STX11: variants seen among roughly 807,000 people sequenced by gnomAD.
The protein encoded by STX11 is syntaxin 11.
A neutral mutation model predicts 19.9 loss-of-function variants in STX11; 21 were observed. The ratio of observed to expected loss-of-function variants is 1.06; its 90% CI spans 0.75 to 1.52. STX11 has a LOEUF of 1.52. STX11 is among the 40% of genes most tolerant of loss of function. The pLI is 0.00. For synonymous variants in STX11, 193 were observed against 174.4 expected, an observed-to-expected ratio of 1.11 and a Z score of -0.84; for missense variants, 438 against 405.9, an observed-to-expected ratio of 1.08 and a Z score of -0.68.
At position 144,189,889 on chromosome 6, in the gene STX11, C is replaced by A. The variant is rs991843023; in HGVS notation, c.*2398C>A. ...AAAAAATGTTCACATAGCTCCACTGCAATGTTTTTTATAATAGAGGAGAGA... is the reference window on the plus strand; with the variant it reads ...AAAAAATGTTCACATAGCTCCACTGAAATGTTTTTTATAATAGAGGAGAGA... On this transcript the variant is annotated 3_prime_UTR_variant, in exon 2 of 2. Transcript: ENST00000367568. Among the ~76,000 whole-genome samples the A allele has an allele frequency of 4.6e-5, 7 of 152,090 alleles. No homozygotes were observed. Among genetic ancestry groups the A allele is most frequent in the African/African-American group, 7.2e-5 (3 of 41,424 alleles).
rs1801306712 is a variant in STX11, at chr6:144,160,452, A to C, written c.-6+9749A>C. 6.6e-6 allele frequency among the ~76,000 whole-genome samples: 1 copy of C among 152,250 alleles called. No homozygotes were observed. Among genetic ancestry groups the C allele is most frequent in the Non-Finnish European group, 1.5e-5 (1 of 68,044 alleles). On this transcript the variant is annotated intron_variant, in intron 1 of 1. Transcript: ENST00000367568. This position sits in a 1 kb window ranked among gnomAD's most constrained non-coding sequence, Gnocchi z 4.3. Reference sequence around the variant, plus strand: ...TACATTTATTATATTCAATAGATAAAGGACCTTAAGTTTAATATATAAGTT... The same window carrying C: ...TACATTTATTATATTCAATAGATAACGGACCTTAAGTTTAATATATAAGTT...
In STX11 at chr6:144,187,077, G is replaced by C. The variant is rs767456000; in HGVS notation, c.450G>C (p.Glu150Asp). 1 of 1,613,644 alleles carries C rather than the reference G, an allele frequency of 6.2e-7. No individual in the cohort carries two copies. Among genetic ancestry groups the C allele is most frequent in the East Asian group, 2.2e-5 (1 of 44,884 alleles). ...CCATGCACGACTACAACCAGGCCGAGATGAAGCAGCGCGACAACTGCAAGA... is the reference window on the plus strand; with the variant it reads ...CCATGCACGACTACAACCAGGCCGACATGAAGCAGCGCGACAACTGCAAGA... Reference protein sequence around the residue: ...QRAMHDYNQAEMKQRDNCKIR... With the variant: ...QRAMHDYNQADMKQRDNCKIR... Residue 150 changes from glutamate to aspartate, a missense_variant, in exon 2 of 2, where the codon GAG becomes GAC. By Grantham distance (45) the Glu-to-Asp change is conservative. Transcript: ENST00000367568. This position sits in a 1 kb window ranked among gnomAD's most constrained non-coding sequence, Gnocchi z 5.6.
Position 144,172,115 on chromosome 6 carries a change from A to G in STX11, c.-5-14508A>G, listed in dbSNP as rs1332726547. ...TAAAGAAGAATACACCTTAAGGAGC[A>G]TGGAGAAACCCAAGGAGAGGTGTAT... On this transcript the variant is annotated intron_variant, in intron 1 of 1. Transcript: ENST00000367568. This position sits in a 1 kb window ranked among gnomAD's most constrained non-coding sequence, Gnocchi z 4.2. Among the ~76,000 whole-genome samples the G allele has an allele frequency of 6.6e-6, 1 of 152,236 alleles. No homozygotes were observed. Among genetic ancestry groups the G allele is most frequent in the African/African-American group, 2.4e-5 (1 of 41,466 alleles).
intron 1 of STX11, among the ~76,000 whole-genome samples, chr6:144,178,322 C>T (rs1165259051): frequency 6.6e-6 from 1 of 152,186 alleles, no homozygotes; most frequent in Non-Finnish European, 1.5e-5. Flanking sequence ...AATACCTGCC[C>T]ATTGCTGAGT....
chr6:144,147,642 C>A (rs1436929361), upstream of STX11, among the ~76,000 whole-genome samples: 2 of 152,164 alleles, frequency 1.3e-5, no homozygotes, highest in Non-Finnish European at 2.9e-5. This position sits in a 1 kb window ranked among gnomAD's most constrained non-coding sequence, Gnocchi z 4.2. Flanking sequence ...AACTTGACAA[C>A]TCCAAACTGA....
upstream of STX11, among the ~76,000 whole-genome samples, chr6:144,148,299 G>A (rs2128744927): frequency 6.6e-6 from 1 of 152,170 alleles, no homozygotes; most frequent in South Asian, 2.1e-4. Flanking sequence ...TCCTGCCTCG[G>A]GGCCTTTACA....
At chr6:144,141,614 G>C in the STX11 span, among the ~76,000 whole-genome samples, 1 of 151,962 alleles carries the variant, frequency 6.6e-6, no homozygotes, top group East Asian at 1.9e-4. Context: ...ATAACAAGAT[G>C]AAAAAAATCA....
chr6:144,158,862 G>C (rs1008428655), intron 1 of STX11, among the ~76,000 whole-genome samples: 1 of 152,186 alleles, frequency 6.6e-6, no homozygotes, highest in Non-Finnish European at 1.5e-5. Context: ...AAATTGCTGT[G>C]TTTCTTACAC....
Position 144,182,532 on chromosome 6 carries a change from A to G in STX11, c.-5-4091A>G, listed in dbSNP as rs1442814152. On this transcript the variant is annotated intron_variant, in intron 1 of 1. Coordinates refer to ENST00000367568, the MANE Select transcript of STX11 (RefSeq NM_003764.4). The surrounding 1 kb of genome is among the most constrained non-coding windows in gnomAD (Gnocchi z 4.8). Reference sequence around the variant, plus strand: ...GAGCTTGGGCCCTTACCTGATTTATAATTTGCTATCTATGACTTTATGGTT... The same window carrying G: ...GAGCTTGGGCCCTTACCTGATTTATGATTTGCTATCTATGACTTTATGGTT... Among the ~76,000 whole-genome samples, 3 of 152,154 alleles carry G rather than the reference A, an allele frequency of 2.0e-5. No individual in the cohort carries two copies. The highest frequency in any genetic ancestry group is 7.2e-5 in the African/African-American group (3 of 41,418).
chr6:144,154,033 A>C lies in STX11; in HGVS notation c.-6+3330A>C, dbSNP rs11961177. On this transcript the variant is annotated intron_variant, in intron 1 of 1. Coordinates refer to ENST00000367568, the MANE Select transcript of STX11 (RefSeq NM_003764.4). This position sits in a 1 kb window ranked among gnomAD's most constrained non-coding sequence, Gnocchi z 4.7. ...CTATCCTAGACTCACTATGTGCGTT[A>C]AGCCTTTTACTCGTCAGTACAATCC... Among the ~76,000 whole-genome samples the C allele has an allele frequency of 0.016, 2,389 of 152,286 alleles. 75 individuals are homozygous for C. Among genetic ancestry groups the C allele is most frequent in the African/African-American group, 0.055 (2,276 of 41,536 alleles).
In STX11 at chr6:144,176,042, A is replaced by G. The variant is rs1322394771; in HGVS notation, c.-5-10581A>G. ...CTAAACCCACTTTTAGGAAAAAGAA[A>G]GAAGTGGCTGGGCTACTGCAGACAG... On this transcript the variant is annotated intron_variant, in intron 1 of 1. Coordinates refer to ENST00000367568, the MANE Select transcript of STX11 (RefSeq NM_003764.4). This position sits in a 1 kb window ranked among gnomAD's most constrained non-coding sequence, Gnocchi z 4.1. 6.6e-6 allele frequency among the ~76,000 whole-genome samples: 1 copy of G among 152,246 alleles called. No homozygotes were observed. Among genetic ancestry groups the G allele is most frequent in the Non-Finnish European group, 1.5e-5 (1 of 68,038 alleles).
At chr6:144,168,828 T>C (rs2128751078) in intron 1 of STX11, among the ~76,000 whole-genome samples, 1 of 152,374 alleles carries the variant, frequency 6.6e-6, no homozygotes, top group South Asian at 2.1e-4. Flanking sequence ...TATTTAATCC[T>C]CATTGATCTA....
chr6:144,158,870 C>G (rs1247532458), intron 1 of STX11, among the ~76,000 whole-genome samples: 1 of 152,216 alleles, frequency 6.6e-6, no homozygotes, highest in African/African-American at 2.4e-5. Context: ...GTGTTTCTTA[C>G]ACTTTCCAGG....
In STX11 at chr6:144,152,336, GT is replaced by G. The variant is rs1801027819; in HGVS notation, c.-6+1636del. ...AAGTTTCTGTCCCAATATGACTGATGTTTCTGAAGATCTGGGATTTGGAATG... is the reference window on the plus strand; with the variant it reads ...AAGTTTCTGTCCCAATATGACTGATGTTCTGAAGATCTGGGATTTGGAATG... On this transcript the variant is annotated intron_variant, in intron 1 of 1. Transcript: ENST00000367568. This position sits in a 1 kb window ranked among gnomAD's most constrained non-coding sequence, Gnocchi z 4.9. Among the ~76,000 whole-genome samples, 1 of 152,224 alleles carries G rather than the reference GT, an allele frequency of 6.6e-6. No individual in the cohort carries two copies.
chr6:144,163,276 TA>T (rs1217887410), intron 1 of STX11, among the ~76,000 whole-genome samples: 1 of 152,164 alleles, frequency 6.6e-6, no homozygotes, highest in Admixed American at 6.5e-5. Context: ...TTTATTTTTT[TA>T]AAAATGCTTT....
In STX11 at chr6:144,175,467, CA is replaced by C. The variant is rs1801755133; in HGVS notation, c.-5-11155del. ...GACTACAGGTATATGCCACCACGCC[CA>C]GCTGATTTTTGTATTTTCAGTAGAG... On this transcript the variant is annotated intron_variant, in intron 1 of 1. Transcript: ENST00000367568. This position sits in a 1 kb window ranked among gnomAD's most constrained non-coding sequence, Gnocchi z 5.1. 6.6e-6 allele frequency among the ~76,000 whole-genome samples: 1 copy of C among 152,084 alleles called. No homozygotes were observed. Among genetic ancestry groups the C allele is most frequent in the South Asian group, 2.1e-4 (1 of 4,826 alleles).
chr6:144,182,758 C>T lies in STX11; in HGVS notation c.-5-3865C>T, dbSNP rs1363851813. ...ACAAATGATCCCTAGTGTCCCAGGG[C>T]GTGGTACAGTCCCTTATCTACCCAT... On this transcript the variant is annotated intron_variant, in intron 1 of 1. Coordinates refer to ENST00000367568, the MANE Select transcript of STX11 (RefSeq NM_003764.4). The surrounding 1 kb of genome is among the most constrained non-coding windows in gnomAD (Gnocchi z 4.8). Among the ~76,000 whole-genome samples the T allele has an allele frequency of 5.9e-5, 9 of 152,286 alleles. No homozygotes were observed. The South Asian group carries it at 6.2e-4, about 11-fold the overall frequency.
In STX11 at chr6:144,160,146, G is replaced by A. The variant is rs1801297388; in HGVS notation, c.-6+9443G>A. Reference sequence around the variant, plus strand: ...GCTTCCTAAGTAGCTAGGACTACAGGTGTGCACCACCACACCCAGCTAATT... The same window carrying A: ...GCTTCCTAAGTAGCTAGGACTACAGATGTGCACCACCACACCCAGCTAATT... On this transcript the variant is annotated intron_variant, in intron 1 of 1. Transcript: ENST00000367568. This position sits in a 1 kb window ranked among gnomAD's most constrained non-coding sequence, Gnocchi z 4.3. 6.6e-6 allele frequency among the ~76,000 whole-genome samples: 1 copy of A among 152,074 alleles called. No homozygotes were observed. Among genetic ancestry groups the A allele is most frequent in the Non-Finnish European group, 1.5e-5 (1 of 68,006 alleles).
In STX11 at chr6:144,162,474, A is replaced by C. The variant is rs1161253780; in HGVS notation, c.-6+11771A>C. On this transcript the variant is annotated intron_variant, in intron 1 of 1. Transcript: ENST00000367568. This position sits in a 1 kb window ranked among gnomAD's most constrained non-coding sequence, Gnocchi z 4.6. ...TAGTGGAGTTTTGGAAGGGAGCAAA[A>C]GTAATGTTCAATTTGCTATTTTATC... 3.9e-5 allele frequency among the ~76,000 whole-genome samples: 6 copies of C among 152,198 alleles called. No individual in the cohort carries two copies. Among genetic ancestry groups the C allele is most frequent in the Admixed American group, 3.9e-4 (6 of 15,280 alleles).
Sources: allele counts gnomAD v4.1 joint callset (sites outside exome capture counted in the v4.1 genomes callset), GRCh38; gene constraint gnomAD v4.1.1; non-coding constraint Gnocchi (gnomAD v3.1); transcripts MANE v1.5; gene names NCBI Gene and HGNC (gene_info 2026-07-23, HGNC 2026-07-21).